Variants in RCAN2 observed in about 807,000 individuals in gnomAD.
RCAN2 encodes regulator of calcineurin 2, also known as calcipressin-2.
A neutral mutation model predicts 23.6 loss-of-function variants in RCAN2; 9 were observed. That is an observed-to-expected ratio of 0.38 (90% CI 0.23 to 0.67). RCAN2 has a LOEUF of 0.67. Ranked by LOEUF, RCAN2 falls within the 30% of genes least tolerant of loss-of-function variation. The pLI is 0.51. For missense variants in RCAN2, 273 were observed against 302.3 expected, an observed-to-expected ratio of 0.90 and a Z score of 0.72; for synonymous variants, 109 against 115.7, an observed-to-expected ratio of 0.94 and a Z score of 0.37.
At chr6:46,418,522 C>T (rs893936628) in intron 2 of RCAN2, among the ~76,000 whole-genome samples, 1 of 151,948 alleles carries the variant, frequency 6.6e-6, no homozygotes, top group Non-Finnish European at 1.5e-5. Flanking sequence ...TTGTCATTCT[C>T]GTCTGACCAG....
At chr6:46,234,433 A>T (rs1766018812) in intron 4 of RCAN2, among the ~76,000 whole-genome samples, 1 of 152,196 alleles carries the variant, frequency 6.6e-6, no homozygotes, top group African/African-American at 2.4e-5. Context: ...GTCACCAGGC[A>T]CATGGACCAA....
intron 1 of RCAN2, among the ~76,000 whole-genome samples, chr6:46,457,773 A>G (rs141382006): frequency 6.6e-6 from 1 of 152,178 alleles, no homozygotes; most frequent in South Asian, 2.1e-4. Flanking sequence ...TGATCAATCC[A>G]TGGTGCACAG....
At chr6:46,481,520 ATTCTTACTC>A (rs1336922987) in intron 1 of RCAN2, among the ~76,000 whole-genome samples, 2 of 152,152 alleles carry the variant, frequency 1.3e-5, no homozygotes, top group Non-Finnish European at 2.9e-5. Context: ...TAGTAAAATA[ATTCTTACTC>A]TGATTATTAT....
chr6:46,418,695 GTATATATA>G lies in RCAN2; in HGVS notation c.225+38049_225+38056del, dbSNP rs70996369. Among the ~76,000 whole-genome samples the G allele has an allele frequency of 9.9e-3, 1,196 of 121,328 alleles. 17 individuals are homozygous for G. The highest frequency in any genetic ancestry group is 0.031 in the African/African-American group (1,003 of 32,210). The allele number at this position is 121,328 out of a possible 152,430, so 79.6% of individuals were successfully genotyped here. ...AATCATCTCTAAAATATGTGTGTGTGTATATATATATATATATATATATATATATATAT... is the reference window on the plus strand; with the variant it reads ...AATCATCTCTAAAATATGTGTGTGTGTATATATATATATATATATATATAT... On this transcript the variant is annotated intron_variant, in intron 2 of 4. Transcript: ENST00000371374.
chr6:46,365,420 G>C (rs1474459746), intron 2 of RCAN2, among the ~76,000 whole-genome samples: 1 of 151,598 alleles, frequency 6.6e-6, no homozygotes, highest in Non-Finnish European at 1.5e-5. Flanking sequence ...AGTTTGCGGT[G>C]AGCCGAGATC....
chr6:46,405,938 A>T (rs1181014789), intron 2 of RCAN2, among the ~76,000 whole-genome samples: 4 of 152,192 alleles, frequency 2.6e-5, no homozygotes, highest in African/African-American at 9.6e-5. Flanking sequence ...GCCTGGCAAG[A>T]GATCGAGCAC....
At chr6:46,247,559 A>T (rs891860605) in intron 3 of RCAN2, among the ~76,000 whole-genome samples, 1 of 152,102 alleles carries the variant, frequency 6.6e-6, no homozygotes. Flanking sequence ...GTCTCTACAG[A>T]TTTACCTGTT....
At chr6:46,236,924 A>C (rs1766120900) in intron 4 of RCAN2, among the ~76,000 whole-genome samples, 3 of 152,238 alleles carry the variant, frequency 2.0e-5, no homozygotes, top group African/African-American at 7.2e-5. Flanking sequence ...ATCTTTAATT[A>C]TAACAACAGC....
chr6:46,485,398 C>T (rs750768770), intron 1 of RCAN2, among the ~76,000 whole-genome samples: 1 of 152,062 alleles, frequency 6.6e-6, no homozygotes, highest in African/African-American at 2.4e-5. Flanking sequence ...GTGAAAAGTA[C>T]ATCAATATGT....
chr6:46,339,269 T>C (rs1308601812), intron 2 of RCAN2, among the ~76,000 whole-genome samples: 13 of 152,066 alleles, frequency 8.5e-5, no homozygotes, highest in Admixed American at 7.9e-4. Context: ...AATTATATTG[T>C]CATAAATGAT....
intron 2 of RCAN2, among the ~76,000 whole-genome samples, chr6:46,374,676 T>C (rs919814553): frequency 2.0e-5 from 3 of 152,188 alleles, no homozygotes; most frequent in Admixed American, 1.3e-4. Context: ...ATCTGAAAAT[T>C]TCAGCCTATT....
intron 1 of RCAN2, among the ~76,000 whole-genome samples, chr6:46,463,447 G>A (rs1306801143): frequency 6.6e-6 from 1 of 152,164 alleles, no homozygotes; most frequent in African/African-American, 2.4e-5. Flanking sequence ...TTGTAGTGGT[G>A]ATATCCAATA....
intron 2 of RCAN2, among the ~76,000 whole-genome samples, chr6:46,301,408 G>A (rs763970943): frequency 6.6e-6 from 1 of 152,026 alleles, no homozygotes; most frequent in Non-Finnish European, 1.5e-5. Context: ...AGAGGTGAAT[G>A]ATCCTGGGAT....
intron 2 of RCAN2, among the ~76,000 whole-genome samples, chr6:46,410,832 C>T (rs1260917651): frequency 6.6e-6 from 1 of 152,138 alleles, no homozygotes; most frequent in African/African-American, 2.4e-5. Context: ...TTATATTAAG[C>T]TATCTATCAA....
In RCAN2 at chr6:46,477,467, T is replaced by G. The variant is rs967906141; in HGVS notation, c.-3+13706A>C. The stretch of plus-strand genomic sequence containing the variant: ...TTCCAGCTATGCCACTTATCAGCTG[T>G]GGGGCTTTGGCAAGCTATTTAACTT... On this transcript the variant is annotated intron_variant, in intron 1 of 4. Transcript: ENST00000371374. 2.0e-5 allele frequency among the ~76,000 whole-genome samples: 3 copies of G among 152,186 alleles called. No individual in the cohort carries two copies. The East Asian group carries it at 5.8e-4, about 29-fold the overall frequency.
At chr6:46,469,900 A>C (rs7746703) in intron 1 of RCAN2, among the ~76,000 whole-genome samples, 152,177 of 152,232 alleles carry the variant, frequency 1, 76,061 homozygotes, top group Non-Finnish European at 1. Flanking sequence ...GAGGACACAG[A>C]ATTCCTCCCT....
Position 46,436,035 on chromosome 6 carries a change from T to A in RCAN2, c.225+20717A>T, listed in dbSNP as rs565439103. Among the ~76,000 whole-genome samples, 10 of 152,374 alleles carry A rather than the reference T, an allele frequency of 6.6e-5. No homozygotes were observed. The East Asian group carries it at 1.9e-3, about 29-fold the overall frequency. On this transcript the variant is annotated intron_variant, in intron 2 of 4. Coordinates refer to ENST00000371374, the MANE Select transcript of RCAN2 (RefSeq NM_001251974.2). ...ATAGAAAATGCACTTTCTTCTGGGCTAGTTCTTGTGAATAAACATATGTGC... is the reference window on the plus strand; with the variant it reads ...ATAGAAAATGCACTTTCTTCTGGGCAAGTTCTTGTGAATAAACATATGTGC...
Position 46,247,129 on chromosome 6 carries a change from A to G in RCAN2, c.400-210T>C, listed in dbSNP as rs966201593. 1.2e-4 allele frequency among the ~76,000 whole-genome samples: 18 copies of G among 152,132 alleles called. 1 individual carries two copies. The highest frequency in any genetic ancestry group is 4.3e-4 in the African/African-American group (18 of 41,426). ...GATCTCAACCTTTACTGTACATCAGAATCACCTGCAGTCCTTACTAAAACA... is the reference window on the plus strand; with the variant it reads ...GATCTCAACCTTTACTGTACATCAGGATCACCTGCAGTCCTTACTAAAACA... On this transcript the variant is annotated intron_variant, in intron 3 of 4. Coordinates refer to ENST00000371374, the MANE Select transcript of RCAN2 (RefSeq NM_001251974.2).
chr6:46,468,690 T>C (rs2150439879), intron 1 of RCAN2: 1 of 418,388 alleles, frequency 2.4e-6, no homozygotes, highest in East Asian at 1.6e-4. Flanking sequence ...CCTGATATGC[T>C]GTGCTGACGA....
Sources: gnomAD v4.1 joint callset for allele counts (sites outside exome capture counted in the v4.1 genomes callset) on GRCh38, gnomAD v4.1.1 for gene constraint, MANE v1.5 for transcripts, NCBI Gene and HGNC (gene_info 2026-07-23, HGNC 2026-07-21) for gene names.